The following OR3A3 variants were observed in gnomAD, a reference collection of about 807,000 sequenced individuals.
OR3A3 encodes the protein olfactory receptor family 3 subfamily A member 3.
For missense variants in OR3A3, 275 were observed against 391.4 expected (o/e 0.70, Z 2.51); for synonymous variants, 103 against 163.9 (o/e 0.63, Z 2.84).
intron 2 of OR3A3, among the ~76,000 whole-genome samples, chr17:3,414,594 G>A (rs1323771125): frequency 2.0e-5 from 3 of 152,186 alleles, no homozygotes; most frequent in East Asian, 1.9e-4. Context: ...GACAATTGGA[G>A]CAGCAATGCG....
At chr17:3,419,975 G>C (rs2072418662) in intron 2 of OR3A3, among the ~76,000 whole-genome samples, 1 of 152,058 alleles carries the variant, frequency 6.6e-6, no homozygotes, top group Non-Finnish European at 1.5e-5. Flanking sequence ...CGCTGTGTTA[G>C]CCAGGATGGT....
intron 2 of OR3A3, among the ~76,000 whole-genome samples, chr17:3,416,315 G>C (rs1253695453): frequency 6.6e-6 from 1 of 152,002 alleles, no homozygotes; most frequent in Admixed American, 6.5e-5. Context: ...TGGCATTCCT[G>C]ACCAAATCCC....
chr17:3,413,094 TAC>T (rs749469335), intron 2 of OR3A3, among the ~76,000 whole-genome samples: 1 of 152,364 alleles, frequency 6.6e-6, no homozygotes, highest in South Asian at 2.1e-4. Flanking sequence ...TCGAATTACT[TAC>T]AGAGATGTAA....
At chr17:3,418,830 A>G (rs1233765777) in intron 2 of OR3A3, among the ~76,000 whole-genome samples, 1 of 152,226 alleles carries the variant, frequency 6.6e-6, no homozygotes, top group Non-Finnish European at 1.5e-5. Context: ...ACTTGTCTCT[A>G]GTCAATAAAG....
chr17:3,413,927 C>T (rs956096452), intron 2 of OR3A3, among the ~76,000 whole-genome samples: 11 of 152,166 alleles, frequency 7.2e-5, no homozygotes, highest in African/African-American at 1.9e-4. Flanking sequence ...GCAGCTTCCC[C>T]GTGGCCTGAG....
exon 3 of OR3A3, chr17:3,423,177 A>C (rs140655519): frequency 0.015 from 2,313 of 152,330 alleles, 29 homozygotes; most frequent in Non-Finnish European, 0.023. Context: ...ACCATAAGGG[A>C]CTGGGACAAG....
At chr17:3,414,489 A>G (rs371626263) in intron 2 of OR3A3, among the ~76,000 whole-genome samples, 1 of 152,204 alleles carries the variant, frequency 6.6e-6, no homozygotes, top group Non-Finnish European at 1.5e-5. Flanking sequence ...TAACATCTTT[A>G]CAAAGAAAGA....
At chr17:3,413,837 AC>A (rs1296314342) in intron 2 of OR3A3, among the ~76,000 whole-genome samples, 24 of 143,790 alleles carry the variant, frequency 1.7e-4, no homozygotes, top group African/African-American at 5.8e-4. Flanking sequence ...AAACAAAAAA[AC>A]AAAAAACAAA....
At chr17:3,412,271 A>C (rs1374774954) in intron 2 of OR3A3, 100 bp downstream of exon 2, 3 of 150,228 alleles carry the variant, frequency 2.0e-5, no homozygotes, top group Non-Finnish European at 4.4e-5. Context: ...TGCCCCTGAC[A>C]GGGAAAGCCA....
chr17:3,412,168 C>G (rs916857196), exon 2 of OR3A3: 2 of 152,006 alleles, frequency 1.3e-5, no homozygotes, highest in African/African-American at 4.9e-5. Context: ...GTGCCCTTGC[C>G]AGGGTGAGTG....
At chr17:3,420,007 T>C (rs1221590577) in intron 2 of OR3A3, among the ~76,000 whole-genome samples, 1 of 152,156 alleles carries the variant, frequency 6.6e-6, no homozygotes, top group African/African-American at 2.4e-5. Flanking sequence ...GACCTCGTGA[T>C]CCGCCTGCCT....
chr17:3,418,045 T>G (rs2072402675), intron 2 of OR3A3, among the ~76,000 whole-genome samples: 1 of 152,240 alleles, frequency 6.6e-6, no homozygotes, highest in African/African-American at 2.4e-5. Flanking sequence ...AACTCTTCCC[T>G]GAGGTCTTGT....
At chr17:3,416,795 G>T (rs961505393) in intron 2 of OR3A3, among the ~76,000 whole-genome samples, 1 of 151,942 alleles carries the variant, frequency 6.6e-6, no homozygotes, top group Non-Finnish European at 1.5e-5. Flanking sequence ...AGGGTAATTT[G>T]GATATCCATC....
At chr17:3,418,236 G>T (rs1007033844) in intron 2 of OR3A3, among the ~76,000 whole-genome samples, 31 of 151,848 alleles carry the variant, frequency 2.0e-4, no homozygotes, top group Non-Finnish European at 1.8e-4. Context: ...TTTTTTTCTT[G>T]AGTATCTTTA....
rs143172422 is a variant in OR3A3, at chr17:3,418,302, G to C, written c.-6-2278G>C. Among the ~76,000 whole-genome samples, 469 of 152,226 alleles carry C rather than the reference G, an allele frequency of 3.1e-3. 1 individual carries two copies. Among genetic ancestry groups the C allele is most frequent in the African/African-American group, 0.01 (423 of 41,554 alleles). ...TCTAAATGAATCGAAAGGTTTCTCAGCCAGTTTTTCATGAGAGGTTTTTGC... is the reference window on the plus strand; with the variant it reads ...TCTAAATGAATCGAAAGGTTTCTCACCCAGTTTTTCATGAGAGGTTTTTGC... On this transcript the variant is annotated intron_variant, in intron 2 of 2. Transcript: ENST00000641141.
chr17:3,413,107 G>C (rs1313590135), intron 2 of OR3A3, among the ~76,000 whole-genome samples: 2 of 152,224 alleles, frequency 1.3e-5, no homozygotes, highest in Non-Finnish European at 1.5e-5. Context: ...AGAGATGTAA[G>C]AAAGATATGT....
intron 2 of OR3A3, among the ~76,000 whole-genome samples, chr17:3,416,441 A>G (rs769972723): frequency 2.2e-5 from 3 of 138,346 alleles, no homozygotes; most frequent in Non-Finnish European, 4.9e-5. Flanking sequence ...TGAGCTAGTT[A>G]TGCACACTTC....
intron 2 of OR3A3, among the ~76,000 whole-genome samples, chr17:3,416,685 G>C (rs1236427390): frequency 6.6e-6 from 1 of 151,900 alleles, no homozygotes; most frequent in African/African-American, 2.4e-5. Context: ...CAGAAAAATA[G>C]AATTTTATAA....
At chr17:3,419,060 A>G (rs1451905376) in intron 2 of OR3A3, among the ~76,000 whole-genome samples, 1 of 152,216 alleles carries the variant, frequency 6.6e-6, no homozygotes, top group African/African-American at 2.4e-5. Context: ...TTTAGAGGGG[A>G]GTAGCTGACA....
Sources: allele counts gnomAD v4.1 joint callset (sites outside exome capture counted in the v4.1 genomes callset), GRCh38; gene constraint gnomAD v4.1.1; transcripts MANE v1.5; gene names NCBI Gene and HGNC (gene_info 2026-07-23, HGNC 2026-07-21).